Variants in BCL2 observed in about 807,000 individuals in gnomAD.
BCL2 encodes the protein BCL2 apoptosis regulator, also known as apoptosis regulator Bcl-2.
BCL2 carries 1 observed loss-of-function variant against 14.2 expected under a neutral mutation model. That is an observed-to-expected ratio of 0.07 (90% CI 0.02 to 0.33). The LOEUF (loss-of-function observed/expected upper bound fraction) is 0.33, where lower values mean the gene tolerates loss of function less well. Ranked by LOEUF, BCL2 falls within the 10% of genes least tolerant of loss-of-function variation. The pLI is 0.99. For synonymous variants in BCL2, 151 were observed against 137.2 expected, an observed-to-expected ratio of 1.10 and a Z score of -0.70; for missense variants, 247 against 305.9, an observed-to-expected ratio of 0.81 and a Z score of 1.44.
chr18:63,212,900 C>G (rs562118964), intron 2 of BCL2, among the ~76,000 whole-genome samples: 1 of 152,092 alleles, frequency 6.6e-6, no homozygotes, highest in East Asian at 1.9e-4. Flanking sequence ...AAGTTGCTAC[C>G]TTTACACAAA....
chr18:63,292,168 AG>A (rs1912669512), intron 2 of BCL2, among the ~76,000 whole-genome samples: 1 of 151,654 alleles, frequency 6.6e-6, no homozygotes, highest in Non-Finnish European at 1.5e-5. Context: ...ACTGGTTTTC[AG>A]AAAAATACTG....
chr18:63,270,817 C>A (rs1342532062), intron 2 of BCL2, among the ~76,000 whole-genome samples: 3 of 151,338 alleles, frequency 2.0e-5, no homozygotes, highest in Non-Finnish European at 2.9e-5. Flanking sequence ...TTAATAAGAA[C>A]TTGAAGAATT....
Position 63,300,792 on chromosome 18 carries a change from G to A in BCL2, c.585+17290C>T, listed in dbSNP as rs139429523. Among the ~76,000 whole-genome samples the A allele has an allele frequency of 3.4e-3, 524 of 152,186 alleles. 2 individuals carry two copies. Among genetic ancestry groups the A allele is most frequent in the Admixed American group, 7.9e-3 (121 of 15,290 alleles). ...AGATCTTTGTGACTGCCTGCCCCAC[G>A]CAGAAGAGCCTCAGAGACTCCTGAG... On this transcript the variant is annotated intron_variant, in intron 2 of 2. Coordinates refer to ENST00000333681, the MANE Select transcript of BCL2 (RefSeq NM_000633.3).
intron 2 of BCL2, among the ~76,000 whole-genome samples, chr18:63,212,481 T>A (rs1910057199): frequency 6.6e-6 from 1 of 151,672 alleles, no homozygotes; most frequent in African/African-American, 2.4e-5. Flanking sequence ...ATTTTAGAGA[T>A]CAGAAAACCA....
In BCL2 at chr18:63,132,405, GC is replaced by G. The variant is rs528116150; in HGVS notation, c.586-3647del. Among the ~76,000 whole-genome samples the G allele has an allele frequency of 1.6e-3, 249 of 152,314 alleles. 1 individual carries two copies. Among genetic ancestry groups the G allele is most frequent in the African/African-American group, 5.6e-3 (233 of 41,564 alleles). On this transcript the variant is annotated intron_variant, in intron 2 of 2. Coordinates refer to ENST00000333681, the MANE Select transcript of BCL2 (RefSeq NM_000633.3). ...CCCTTCCCCCAAGAAGTTCTGCTGA[GC>G]CTGCCGTTTTGCAGAAGCAATTTCC...
At chr18:63,169,338 T>A (rs1298085062) in intron 2 of BCL2, among the ~76,000 whole-genome samples, 1 of 48,932 alleles carries the variant, frequency 2.0e-5, no homozygotes, top group African/African-American at 1.1e-4. Context: ...CTTTCCTTCC[T>A]TTCTTTCTTT....
At chr18:63,309,101 C>T (rs1228146446) in intron 2 of BCL2, among the ~76,000 whole-genome samples, 1 of 152,166 alleles carries the variant, frequency 6.6e-6, no homozygotes, top group Non-Finnish European at 1.5e-5. Flanking sequence ...AAGCTTTGAA[C>T]AGCAAAGCTG....
intron 2 of BCL2, among the ~76,000 whole-genome samples, chr18:63,180,952 C>T (rs909134166): frequency 5.3e-5 from 8 of 152,210 alleles, no homozygotes; most frequent in African/African-American, 1.9e-4. Flanking sequence ...TGTACAGACG[C>T]TTTGATTCAT....
rs957627074 is a variant in BCL2 at position 63,305,836 on chromosome 18, C to T, written c.585+12246G>A. On this transcript the variant is annotated intron_variant, in intron 2 of 2. Coordinates refer to ENST00000333681, the MANE Select transcript of BCL2 (RefSeq NM_000633.3). Reference sequence around the variant, plus strand: ...CCTGTAATCCCAGTACTTTGGGAGGCGGAGGCAGGAGGATTGCTTGAAGCC... The same window carrying T: ...CCTGTAATCCCAGTACTTTGGGAGGTGGAGGCAGGAGGATTGCTTGAAGCC... Among the ~76,000 whole-genome samples, 10 of 152,056 alleles carry T rather than the reference C, an allele frequency of 6.6e-5. No homozygotes were observed. In the East Asian group the frequency reaches 1.5e-3, roughly 23 times the overall value.
chr18:63,220,641 G>T (rs1910365299), intron 2 of BCL2, among the ~76,000 whole-genome samples: 1 of 152,164 alleles, frequency 6.6e-6, no homozygotes, highest in South Asian at 2.1e-4. Flanking sequence ...TTGGGGAGAT[G>T]AAGCACATAC....
chr18:63,159,201 C>T (rs1010774699), intron 2 of BCL2, among the ~76,000 whole-genome samples: 1 of 152,176 alleles, frequency 6.6e-6, no homozygotes, highest in Admixed American at 6.5e-5. Context: ...TGAGAAAAAG[C>T]ATGAAACTCC....
intron 2 of BCL2, among the ~76,000 whole-genome samples, chr18:63,266,226 T>A (rs1189801997): frequency 1.3e-5 from 2 of 152,046 alleles, no homozygotes. Context: ...TGGGCTATTA[T>A]GTAGACACAG....
intron 2 of BCL2, among the ~76,000 whole-genome samples, chr18:63,129,288 C>A (rs1232193233): frequency 2.6e-5 from 1 of 39,206 alleles, no homozygotes. Context: ...CAAACTTTTT[C>A]TTTCTTTTTT....
intron 2 of BCL2, among the ~76,000 whole-genome samples, chr18:63,256,985 A>C (rs1406341205): frequency 6.6e-6 from 1 of 152,216 alleles, no homozygotes; most frequent in African/African-American, 2.4e-5. Context: ...TTGAAAGTTA[A>C]ATTCATTCAA....
intron 2 of BCL2, among the ~76,000 whole-genome samples, chr18:63,133,280 T>C (rs1389455964): frequency 6.7e-6 from 1 of 149,772 alleles, no homozygotes; most frequent in Admixed American, 6.7e-5. Context: ...GAGGCAGCCA[T>C]CCTCCAACAT....
intron 2 of BCL2, among the ~76,000 whole-genome samples, chr18:63,290,897 G>A (rs187449928): frequency 5.9e-4 from 90 of 152,024 alleles, no homozygotes; most frequent in Admixed American, 1.5e-3. Flanking sequence ...CATCCCACTC[G>A]GCCCTCTTTC....
At chr18:63,227,587 G>A (rs1910582857) in intron 2 of BCL2, among the ~76,000 whole-genome samples, 1 of 152,136 alleles carries the variant, frequency 6.6e-6, no homozygotes, top group Non-Finnish European at 1.5e-5. Context: ...CAAATCAGTG[G>A]AAAACAGTGT....
At chr18:63,239,694 C>T (rs919472919) in intron 2 of BCL2, among the ~76,000 whole-genome samples, 9 of 151,372 alleles carry the variant, frequency 5.9e-5, no homozygotes, top group Non-Finnish European at 7.4e-5. Context: ...GAGCTGAGAT[C>T]GCGCCACTGC....
rs139399709 is a variant in BCL2, at chr18:63,157,099, G to A, written c.586-28340C>T. On this transcript the variant is annotated intron_variant, in intron 2 of 2. Coordinates refer to ENST00000333681, the MANE Select transcript of BCL2 (RefSeq NM_000633.3). ...TAATTGTGGGTCTGACAAATATTTT[G>A]TTTTCCCGAGGAATTAAGTATGCAT... Among the ~76,000 whole-genome samples the A allele has an allele frequency of 8.5e-4, 130 of 152,320 alleles. 1 individual carries two copies. The highest frequency in any genetic ancestry group is 3.1e-3 in the African/African-American group (128 of 41,572).
Sources: gnomAD v4.1 joint callset for allele counts (sites outside exome capture counted in the v4.1 genomes callset) on GRCh38, gnomAD v4.1.1 for gene constraint, MANE v1.5 for transcripts, NCBI Gene and HGNC (gene_info 2026-07-23, HGNC 2026-07-21) for gene names.